RGS20: variants seen among roughly 807,000 people sequenced by gnomAD.
The protein encoded by RGS20 is gz-selective GTPase-activating protein.
RGS20 carries 30 observed loss-of-function variants against 33.6 expected under a neutral mutation model. The observed-to-expected ratio is 0.89, with a 90% CI of 0.67 to 1.21. The LOEUF is 1.21. Ranked by LOEUF, RGS20 falls within the 50% of genes most tolerant of loss-of-function variation. The pLI is 0.00. For missense variants in RGS20, 472 were observed against 502.4 expected (o/e 0.94, Z 0.58); for synonymous variants, 208 against 197.9 (o/e 1.05, Z -0.43).
At chr8:53,903,593 C>G (rs1207241506) in intron 2 of RGS20, among the ~76,000 whole-genome samples, 33 of 152,190 alleles carry the variant, frequency 2.2e-4, no homozygotes. Context: ...TTACACAGCT[C>G]AGCACTCTCC....
intron 2 of RGS20, among the ~76,000 whole-genome samples, chr8:53,904,307 T>C (rs1398487403): frequency 2.0e-5 from 3 of 151,988 alleles, no homozygotes; most frequent in Non-Finnish European, 4.4e-5. Flanking sequence ...AATTTTTATA[T>C]TTTTAGTAGA....
chr8:53,947,284 ATATT>A (rs1814522868), intron 4 of RGS20, among the ~76,000 whole-genome samples: 1 of 137,920 alleles, frequency 7.3e-6, no homozygotes, highest in Admixed American at 7.4e-5. Context: ...TATAGCATAT[ATATT>A]TATACATGCT....
intron 2 of RGS20, among the ~76,000 whole-genome samples, chr8:53,890,257 G>A (rs937634102): frequency 6.6e-6 from 1 of 152,066 alleles, no homozygotes; most frequent in Non-Finnish European, 1.5e-5. Context: ...CATCTAGTGA[G>A]TTATTAATTT....
rs75833547 is a variant in RGS20, at chr8:53,879,428, G to T, written c.336G>T (p.Pro112=). ...TCTCCCCCCTGCTTCCCGCCCTGCCGGCCGCCCGGCTCTCGAGGGGGCACG... is the reference window on the plus strand; with the variant it reads ...TCTCCCCCCTGCTTCCCGCCCTGCCTGCCGCCCGGCTCTCGAGGGGGCACG... Residue 112 remains proline (P), a synonymous_variant, in exon 2 of 6, where the codon CCG becomes CCT. Coordinates refer to ENST00000297313, the MANE Select transcript of RGS20 (RefSeq NM_170587.4). The T allele has an allele frequency of 5.6e-6, 9 of 1,606,278 alleles. No homozygotes were observed. The highest frequency in any genetic ancestry group is 2.2e-5 in the South Asian group (2 of 90,682).
intron 4 of RGS20, among the ~76,000 whole-genome samples, chr8:53,947,899 A>G (rs1025987721): frequency 1.5e-5 from 2 of 132,858 alleles, no homozygotes; most frequent in African/African-American, 5.6e-5. Context: ...TATATATGCT[A>G]TATATATGAT....
At chr8:53,890,643 G>T (rs181344848) in intron 2 of RGS20, among the ~76,000 whole-genome samples, 628 of 152,110 alleles carry the variant, frequency 4.1e-3, no homozygotes, top group South Asian at 0.013. Flanking sequence ...AGTTTTGGGG[G>T]TTTTTTTGTT....
chr8:53,954,328 G>A lies in RGS20; in HGVS notation c.978+18G>A. ...CTAAGGAGGTATGTGACCACGAGATGCCTTTTCCCAAGGCTGTTGGTAAAA... is the reference window on the plus strand; with the variant it reads ...CTAAGGAGGTATGTGACCACGAGATACCTTTTCCCAAGGCTGTTGGTAAAA... On this transcript the variant is annotated intron_variant, in intron 5 of 5. Transcript: ENST00000297313. The A allele has an allele frequency of 6.6e-7, 1 of 1,507,066 alleles. No individual in the cohort carries two copies. The allele number at this position is 1,507,066 out of a possible 1,614,324, so 93.4% of individuals were successfully genotyped here. A position where few individuals can be genotyped will look rare whatever the true frequency, so the allele number is the denominator to read the frequency against.
chr8:53,865,480 G>A (rs1811899174), intron 1 of RGS20, among the ~76,000 whole-genome samples: 2 of 152,198 alleles, frequency 1.3e-5, no homozygotes, highest in South Asian at 2.1e-4. Context: ...AACCGTATGT[G>A]CCCATTACCC....
intron 2 of RGS20, among the ~76,000 whole-genome samples, chr8:53,890,257 GTTA>G (rs1812677253): frequency 6.6e-6 from 1 of 152,066 alleles, no homozygotes; most frequent in East Asian, 1.9e-4. Flanking sequence ...CATCTAGTGA[GTTA>G]TTAATTTCAG....
chr8:53,943,307 A>G (rs897331334), intron 3 of RGS20, among the ~76,000 whole-genome samples: 5 of 152,186 alleles, frequency 3.3e-5, no homozygotes, highest in African/African-American at 1.2e-4. Flanking sequence ...AAGAAAAGTA[A>G]ATGGCAATTT....
At chr8:53,939,337 C>G (rs374519439) in intron 2 of RGS20, among the ~76,000 whole-genome samples, 7 of 152,314 alleles carry the variant, frequency 4.6e-5, no homozygotes, top group Middle Eastern at 6.8e-3. Flanking sequence ...GAGGGGCCTT[C>G]CATCTGCTAG....
At chr8:53,918,124 A>G (rs1361317584) in intron 2 of RGS20, among the ~76,000 whole-genome samples, 1 of 152,212 alleles carries the variant, frequency 6.6e-6, no homozygotes, top group African/African-American at 2.4e-5. Flanking sequence ...CCATTTTACA[A>G]TATACAGTTC....
intron 2 of RGS20, among the ~76,000 whole-genome samples, chr8:53,907,551 T>C (rs1813217102): frequency 1.3e-5 from 2 of 151,834 alleles, no homozygotes; most frequent in Non-Finnish European, 2.9e-5. Context: ...CCCATTGCAC[T>C]CTAGCTCTGG....
intron 4 of RGS20, among the ~76,000 whole-genome samples, chr8:53,949,229 A>G (rs191289234): frequency 0.017 from 1,669 of 96,896 alleles, 38 homozygotes; most frequent in East Asian, 0.086. Flanking sequence ...ATTTATATAT[A>G]CTATATATAA....
intron 1 of RGS20, among the ~76,000 whole-genome samples, chr8:53,857,785 A>C (rs981445058): frequency 6.6e-6 from 1 of 152,232 alleles, no homozygotes; most frequent in East Asian, 1.9e-4. Flanking sequence ...AAAAGCTGAA[A>C]AAAATCTGAA....
intron 1 of RGS20, among the ~76,000 whole-genome samples, chr8:53,861,223 C>T (rs907533688): frequency 3.7e-4 from 56 of 152,140 alleles, no homozygotes; most frequent in African/African-American, 1.4e-3. Flanking sequence ...CTCCTATTCC[C>T]ACCACCAGAC....
At chr8:53,950,648 T>C (rs1268122520) in intron 4 of RGS20, among the ~76,000 whole-genome samples, 1 of 152,018 alleles carries the variant, frequency 6.6e-6, no homozygotes, top group East Asian at 1.9e-4. Flanking sequence ...AGGGTCTCAT[T>C]CTGTCACCCA....
intron 4 of RGS20, among the ~76,000 whole-genome samples, chr8:53,948,751 C>T (rs28971852): frequency 4.2e-4 from 6 of 14,222 alleles, no homozygotes; most frequent in East Asian, 4.8e-3. Flanking sequence ...AGATACAGTA[C>T]ATATTTACAT....
intron 1 of RGS20, among the ~76,000 whole-genome samples, chr8:53,869,992 C>T (rs1177922499): frequency 6.6e-6 from 1 of 152,138 alleles, no homozygotes; most frequent in Admixed American, 6.5e-5. Context: ...TTTGTGTCAG[C>T]TTACCCAGAT....
Sources: allele counts gnomAD v4.1 joint callset (sites outside exome capture counted in the v4.1 genomes callset), GRCh38; gene constraint gnomAD v4.1.1; transcripts MANE v1.5; gene names NCBI Gene and HGNC (gene_info 2026-07-23, HGNC 2026-07-21).